The following MAGEA11 variants were observed in gnomAD, a reference collection of about 807,000 sequenced individuals.
MAGEA11 encodes MAGE family member A11, also known as melanoma-associated antigen 11.
MAGEA11 carries 1 observed loss-of-function variant against 8.4 expected under a neutral mutation model. The ratio of observed to expected loss-of-function variants is 0.12; its 90% CI spans 0.04 to 0.57. The LOEUF (loss-of-function observed/expected upper bound fraction) is 0.57, where lower values mean the gene tolerates loss of function less well. Ranked by LOEUF, MAGEA11 falls within the 20% of genes least tolerant of loss-of-function variation. MAGEA11 has a pLI of 0.91. For missense variants in MAGEA11, 209 were observed against 317.3 expected, an observed-to-expected ratio of 0.66 and a Z score of 2.59; for synonymous variants, 127 against 119.3, an observed-to-expected ratio of 1.06 and a Z score of -0.42.
At chrX:149,697,241 C>T (rs1557360614) in intron 1 of MAGEA11, among the ~76,000 whole-genome samples, 1 of 111,066 alleles carries the variant, frequency 9.0e-6, no homozygotes. Context: ...CCTGACCTCA[C>T]CGCCTCTCTC....
chrX:149,703,731 G>A (rs1165699412), intron 1 of MAGEA11, among the ~76,000 whole-genome samples: 7 of 112,069 alleles, frequency 6.2e-5, no homozygotes, highest in Non-Finnish European at 1.3e-4. Flanking sequence ...ATGCACATGT[G>A]GATCATAAGA....
chrX:149,716,059 C>A lies in MAGEA11; in HGVS notation c.573C>A (p.Ser191Arg), dbSNP rs2233049. ...SPTAMDAIFGSLSDEGSGSQE... is the reference protein window; with the variant it reads ...SPTAMDAIFGRLSDEGSGSQE... ...CTGCCATGGATGCCATCTTTGGGAGCCTATCTGATGAGGGCTCTGGCAGCC... is the reference window on the plus strand; with the variant it reads ...CTGCCATGGATGCCATCTTTGGGAGACTATCTGATGAGGGCTCTGGCAGCC... The change falls in exon 5 of 5, where the codon AGC becomes AGA. Residue 191 changes from serine to arginine, a missense_variant. Physicochemically the swap from Ser to Arg is moderately radical, Grantham distance 110. Transcript: ENST00000355220. 1.5e-4 allele frequency: 185 copies of A among 1,210,356 alleles called. No individual in the cohort carries two copies. The African/African-American group carries it at 3.0e-3, about 20-fold the overall frequency.
At chrX:149,703,543 C>A (rs1557361175) in intron 1 of MAGEA11, among the ~76,000 whole-genome samples, 1 of 111,570 alleles carries the variant, frequency 9.0e-6, no homozygotes, top group Non-Finnish European at 1.9e-5. Flanking sequence ...TGGAGGAATT[C>A]TTCAAAGCAA....
At chrX:149,690,578 A>G (rs973054652) in intron 1 of MAGEA11, among the ~76,000 whole-genome samples, 4 of 112,590 alleles carry the variant, frequency 3.6e-5, no homozygotes, top group African/African-American at 1.3e-4. Context: ...TTCTAAGCAT[A>G]CATTTTGCAT....
upstream of MAGEA11, chrX:149,688,705 TATACAC>T (rs1290959218): frequency 3.5e-5 from 5 of 142,010 alleles, no homozygotes; most frequent in African/African-American, 2.1e-4. Context: ...TACATATACA[TATACAC>T]ATACACATAC....
chrX:149,689,259 G>T (rs782572147), intron 1 of MAGEA11, among the ~76,000 whole-genome samples: 1 of 110,952 alleles, frequency 9.0e-6, no homozygotes, highest in East Asian at 2.8e-4. Context: ...CATGGAGATG[G>T]TACACACTTC....
chrX:149,704,101 C>T lies in MAGEA11; in HGVS notation c.10-10380C>T, dbSNP rs782682511. On this transcript the variant is annotated intron_variant, in intron 1 of 3. Coordinates refer to the MAGEA11 transcript ENST00000333104. ...CTAACTATTGCCCTATCAATATGCC[C>T]CTAGGACTGATCTTAAAGGAGCCAA... Among the ~76,000 whole-genome samples, 16 of 112,211 alleles carry T rather than the reference C, an allele frequency of 1.4e-4. 1 individual carries two copies. The South Asian group carries it at 1.5e-3, about 10-fold the overall frequency.
At chrX:149,694,789 T>G (rs934044002) in intron 1 of MAGEA11, among the ~76,000 whole-genome samples, 7 of 110,753 alleles carry the variant, frequency 6.3e-5, no homozygotes, top group African/African-American at 2.3e-4. Context: ...TGGCATGATC[T>G]TGGCTCATTG....
At chrX:149,693,722 C>T (rs987820451) in intron 1 of MAGEA11, among the ~76,000 whole-genome samples, 16 of 112,084 alleles carry the variant, frequency 1.4e-4, no homozygotes, top group South Asian at 3.8e-4. Flanking sequence ...AATCACTTTC[C>T]GTTCCCTCTT....
intron 1 of MAGEA11, among the ~76,000 whole-genome samples, chrX:149,701,706 C>T (rs1299325165): frequency 1.8e-5 from 2 of 110,370 alleles, no homozygotes; most frequent in Non-Finnish European, 3.8e-5. Flanking sequence ...TTAGGTCTAA[C>T]GTTTAAGTCT....
chrX:149,709,642 A>T (rs2090391183), upstream of MAGEA11, among the ~76,000 whole-genome samples: 1 of 112,327 alleles, frequency 8.9e-6, no homozygotes, highest in Non-Finnish European at 1.9e-5. Context: ...ACTAAATGGA[A>T]AAACGGGATA....
chrX:149,690,258 A>G (rs2090304632), intron 1 of MAGEA11, among the ~76,000 whole-genome samples: 1 of 112,803 alleles, frequency 8.9e-6, no homozygotes, highest in African/African-American at 3.2e-5. Context: ...CTCAACCAAA[A>G]TTTATTAGAG....
At chrX:149,700,809 T>C (rs2090349566) in intron 1 of MAGEA11, among the ~76,000 whole-genome samples, 1 of 103,503 alleles carries the variant, frequency 9.7e-6, no homozygotes, top group East Asian at 3.1e-4. Context: ...AGTGAGAATA[T>C]GCGGTGTTTG....
In MAGEA11 at chrX:149,713,215, GGAA is replaced by G. The variant is rs782440875; in HGVS notation, c.65_67del (p.Lys22del). The G allele has an allele frequency of 2.7e-5, 33 of 1,205,307 alleles. No individual in the cohort carries two copies. The African/African-American group carries it at 3.2e-4, about 12-fold the overall frequency. On this transcript the variant is annotated inframe_deletion, in exon 2 of 5. Coordinates refer to ENST00000355220, the MANE Select transcript of MAGEA11 (RefSeq NM_005366.5). ...GGGTGCAGCCCTGCCAGCATCAAGA[GGAA>G]GAAGAAGAGGGAGGACTCAGGAGAC...
At chrX:149,711,384 A>T (rs1328643876), upstream of MAGEA11, among the ~76,000 whole-genome samples, 1 of 112,232 alleles carries the variant, frequency 8.9e-6, no homozygotes, top group African/African-American at 3.2e-5. Flanking sequence ...GTAAAAATAA[A>T]GCTTTCAGGG....
Position 149,715,630 on chromosome X carries a change from G to A in MAGEA11, c.219G>A (p.Glu73=). 1 of 1,209,636 alleles carries A rather than the reference G, an allele frequency of 8.3e-7. No homozygotes were observed. Among genetic ancestry groups the A allele is most frequent in the Non-Finnish European group, 1.1e-6 (1 of 893,889 alleles). The part of the protein sequence containing the change: ...VQVFREQANL[E]DRSPRRTQRI... ...TTTTTAGAGAACAGGCCAACCTGGA[G>A]GACAGGAGTCCCAGGAGAACCCAGA... Residue 73 remains glutamate, a synonymous_variant, in exon 4 of 5, where the codon GAG becomes GAA. Coordinates refer to ENST00000355220, the MANE Select transcript of MAGEA11 (RefSeq NM_005366.5).
intron 1 of MAGEA11, 103 bp from the exon 2 acceptor site, chrX:149,713,040 G>T: frequency 2.0e-6 from 1 of 507,183 alleles, no homozygotes; most frequent in South Asian, 2.7e-5. Context: ...AGTCCCTGCT[G>T]GGAGGTGAGC....
chrX:149,701,680 T>C (rs781995846), intron 1 of MAGEA11, among the ~76,000 whole-genome samples: 257 of 110,596 alleles, frequency 2.3e-3, no homozygotes, highest in African/African-American at 7.9e-3. Context: ...GGTTTTCTTC[T>C]AGGGTTTTTA....
upstream of MAGEA11, among the ~76,000 whole-genome samples, chrX:149,710,811 CCCG>C (rs1375267007): frequency 9.1e-6 from 1 of 109,299 alleles, no homozygotes; most frequent in Non-Finnish European, 1.9e-5. Context: ...CCCAAAACAA[CCCG>C]GGAAAACTAA....
Sources: allele counts gnomAD v4.1 joint callset (sites outside exome capture counted in the v4.1 genomes callset), GRCh38; gene constraint gnomAD v4.1.1; transcripts MANE v1.5; gene names NCBI Gene and HGNC (gene_info 2026-07-23, HGNC 2026-07-21).